Variants in ZMAT4 observed in about 807,000 individuals in gnomAD.
ZMAT4 encodes the protein zinc finger matrin-type 4, also known as zinc finger matrin-type protein 4.
Under a neutral mutation model 28.7 loss-of-function variants are expected in ZMAT4, and 17 were observed. The ratio of observed to expected loss-of-function variants is 0.59; its 90% CI spans 0.41 to 0.89. The LOEUF (loss-of-function observed/expected upper bound fraction) is 0.89. Ranked by LOEUF, ZMAT4 falls within the 40% of genes least tolerant of loss-of-function variation. ZMAT4 has a pLI of 0.00. For synonymous variants in ZMAT4, 117 were observed against 109.2 expected (o/e 1.07, Z -0.44); for missense variants, 240 against 283.8 (o/e 0.85, Z 1.11).
chr8:40,774,175 G>A (rs1422399103), intron 2 of ZMAT4, among the ~76,000 whole-genome samples: 2 of 152,122 alleles, frequency 1.3e-5, no homozygotes, highest in South Asian at 2.1e-4. Context: ...GAGATCAGAA[G>A]TGTCCTCACA....
chr8:40,703,237 G>T (rs1186029067), intron 3 of ZMAT4, among the ~76,000 whole-genome samples: 5 of 152,080 alleles, frequency 3.3e-5, no homozygotes, highest in Non-Finnish European at 7.4e-5. Context: ...TCATTCAAGA[G>T]AAATAAAAAT....
At chr8:40,722,169 C>G (rs1283298718) in intron 3 of ZMAT4, among the ~76,000 whole-genome samples, 1 of 151,876 alleles carries the variant, frequency 6.6e-6, no homozygotes, top group Non-Finnish European at 1.5e-5. Flanking sequence ...CCAAAATTGA[C>G]AAATGGGATC....
intron 1 of ZMAT4, among the ~76,000 whole-genome samples, chr8:40,867,829 C>A (rs2150651151): frequency 6.6e-6 from 1 of 152,168 alleles, no homozygotes; most frequent in African/African-American, 2.4e-5. Flanking sequence ...CATTTATTAT[C>A]TTATAAAATA....
At chr8:40,701,168 A>G (rs915232177) in intron 3 of ZMAT4, among the ~76,000 whole-genome samples, 1 of 152,212 alleles carries the variant, frequency 6.6e-6, no homozygotes, top group Non-Finnish European at 1.5e-5. Flanking sequence ...TAGTTTCACA[A>G]TGGTAGTTTT....
chr8:40,756,399 G>A (rs1812681381), intron 3 of ZMAT4, among the ~76,000 whole-genome samples: 1 of 115,066 alleles, frequency 8.7e-6, no homozygotes, highest in South Asian at 2.9e-4. Context: ...TTTTCACCCA[G>A]CAATTTCATG....
intron 2 of ZMAT4, among the ~76,000 whole-genome samples, chr8:40,774,297 A>T (rs1813501039): frequency 6.6e-6 from 1 of 152,204 alleles, no homozygotes; most frequent in Non-Finnish European, 1.5e-5. Flanking sequence ...GTGCTACCTT[A>T]CAACTGTTTA....
intron 5 of ZMAT4, among the ~76,000 whole-genome samples, chr8:40,582,310 GA>G (rs1216158361): frequency 1.3e-5 from 2 of 152,108 alleles, no homozygotes; most frequent in African/African-American, 2.4e-5. Flanking sequence ...AGACCAACCT[GA>G]GCCACATGGC....
chr8:40,535,467 G>A (rs573136151), intron 6 of ZMAT4, among the ~76,000 whole-genome samples: 4 of 152,088 alleles, frequency 2.6e-5, no homozygotes, highest in East Asian at 3.9e-4. Flanking sequence ...TCAAGAGATC[G>A]AGACCATCCT....
intron 1 of ZMAT4, among the ~76,000 whole-genome samples, chr8:40,874,492 C>T (rs904358412): frequency 5.3e-5 from 8 of 152,322 alleles, no homozygotes; most frequent in Non-Finnish European, 8.8e-5. Flanking sequence ...TGGAATGATC[C>T]ACCTGCCTCG....
At chr8:40,732,739 G>A (rs1585959615) in intron 3 of ZMAT4, among the ~76,000 whole-genome samples, 1 of 151,794 alleles carries the variant, frequency 6.6e-6, no homozygotes, top group Non-Finnish European at 1.5e-5. Flanking sequence ...AGGCCCTGAG[G>A]CCTGGATGCC....
At chr8:40,610,734 A>G (rs1805763593) in intron 5 of ZMAT4, among the ~76,000 whole-genome samples, 1 of 150,632 alleles carries the variant, frequency 6.6e-6, no homozygotes, top group Non-Finnish European at 1.5e-5. Context: ...TTGAGACTGT[A>G]AAAAAAAAGA....
intron 5 of ZMAT4, among the ~76,000 whole-genome samples, chr8:40,606,517 C>G (rs1421530214): frequency 6.6e-6 from 1 of 152,226 alleles, no homozygotes; most frequent in Admixed American, 6.5e-5. Context: ...CCAGTGCCTT[C>G]TGGCATGCAG....
chr8:40,535,551 C>T lies in ZMAT4; in HGVS notation c.675-3313G>A, dbSNP rs544394389. ...GGGCATGGTGGCATGCTCCTGTAGT[C>T]CTAGCTATTTGGGAGGCTGAGGCAG... On this transcript the variant is annotated intron_variant, in intron 6 of 6. Transcript: ENST00000297737. Among the ~76,000 whole-genome samples the T allele has an allele frequency of 8.5e-5, 13 of 152,116 alleles. No homozygotes were observed. The South Asian group carries it at 2.5e-3, about 29-fold the overall frequency.
intron 6 of ZMAT4, among the ~76,000 whole-genome samples, chr8:40,551,437 G>A (rs1442544584): frequency 6.6e-6 from 1 of 152,078 alleles, no homozygotes; most frequent in African/African-American, 2.4e-5. Flanking sequence ...ATCAATCAAG[G>A]CTTTAACATT....
chr8:40,568,269 G>A (rs1803985418), intron 6 of ZMAT4, among the ~76,000 whole-genome samples: 1 of 152,086 alleles, frequency 6.6e-6, no homozygotes, highest in African/African-American at 2.4e-5. Context: ...ATATAATTGA[G>A]AGCATTCAGC....
chr8:40,581,970 A>T (rs1804479400), intron 5 of ZMAT4, among the ~76,000 whole-genome samples: 1 of 152,230 alleles, frequency 6.6e-6, no homozygotes, highest in African/African-American at 2.4e-5. Context: ...AACAGCTTTA[A>T]CCAAATAGCC....
At chr8:40,682,034 AT>A (rs1453400900) in intron 4 of ZMAT4, among the ~76,000 whole-genome samples, 1 of 152,118 alleles carries the variant, frequency 6.6e-6, no homozygotes, top group Admixed American at 6.6e-5. Context: ...AACTACTACT[AT>A]TACTATATAT....
Position 40,552,046 on chromosome 8 carries a change from G to A in ZMAT4, c.675-19808C>T, listed in dbSNP as rs117579153. On this transcript the variant is annotated intron_variant, in intron 6 of 6. Transcript: ENST00000297737. Reference sequence around the variant, plus strand: ...AAATGCCGGCTGAATCAGCAGCCAGGGCCATAATGGCATCTAATGCATTTT... The same window carrying A: ...AAATGCCGGCTGAATCAGCAGCCAGAGCCATAATGGCATCTAATGCATTTT... Among the ~76,000 whole-genome samples, 507 of 152,188 alleles carry A rather than the reference G, an allele frequency of 3.3e-3. 3 individuals are homozygous for A. The highest frequency in any genetic ancestry group is 6.8e-3 in the Middle Eastern group (2 of 294).
chr8:40,738,786 G>A (rs946031716), intron 3 of ZMAT4, among the ~76,000 whole-genome samples: 5 of 152,160 alleles, frequency 3.3e-5, no homozygotes, highest in East Asian at 1.9e-4. Context: ...TGGCACAAGC[G>A]TCTAGGTGCT....
Sources: allele counts gnomAD v4.1 joint callset (sites outside exome capture counted in the v4.1 genomes callset), GRCh38; gene constraint gnomAD v4.1.1; transcripts MANE v1.5; gene names NCBI Gene and HGNC (gene_info 2026-07-23, HGNC 2026-07-21).